The following ZNF532 variants were observed in gnomAD, a reference collection of about 807,000 sequenced individuals.
The protein encoded by ZNF532 is zinc finger protein 532.
ZNF532 carries 22 observed loss-of-function variants against 89.3 expected under a neutral mutation model. The ratio of observed to expected loss-of-function variants is 0.25; its 90% confidence interval spans 0.18 to 0.35. The LOEUF (loss-of-function observed/expected upper bound fraction) is 0.35. ZNF532 is among the 10% of genes least tolerant of loss of function. The pLI, the probability that ZNF532 is intolerant of heterozygous loss-of-function variation, is 1.00. For missense variants in ZNF532, 1,132 were observed against 1,643.4 expected (o/e 0.69, Z 5.38); for synonymous variants, 606 against 649.6 (o/e 0.93, Z 1.02).
chr18:58,863,368 C>T (rs2056119703), upstream of ZNF532: 3 of 148,860 alleles, frequency 2.0e-5, no homozygotes. Context: ...CTCGGGGCTC[C>T]GCAGCGGCCG....
At chr18:58,900,471 G>T (rs1006286345) in intron 2 of ZNF532, among the ~76,000 whole-genome samples, 2 of 152,116 alleles carry the variant, frequency 1.3e-5, no homozygotes, top group African/African-American at 2.4e-5. Context: ...AAGGGTCGGG[G>T]GCTCCCTGTT....
At chr18:58,979,238 T>C (rs1358968106) in intron 8 of ZNF532, 71 bp downstream of exon 8, 4 of 1,095,390 alleles carry the variant, frequency 3.7e-6, no homozygotes, top group East Asian at 2.4e-5. Context: ...TTTAGTGTAG[T>C]ACCATTAACT....
chr18:58,942,155 T>G (rs1413258956), intron 5 of ZNF532, among the ~76,000 whole-genome samples: 2 of 151,494 alleles, frequency 1.3e-5, no homozygotes, highest in African/African-American at 2.4e-5. Flanking sequence ...CCTGAGTAGC[T>G]GGGACTACAG....
chr18:58,964,779 A>G (rs1307057923), intron 7 of ZNF532, among the ~76,000 whole-genome samples: 1 of 151,460 alleles, frequency 6.6e-6, no homozygotes, highest in African/African-American at 2.4e-5. Flanking sequence ...ATTTTTTTGT[A>G]GGGAGTTCGG....
chr18:58,883,262 G>T (rs564747811), intron 2 of ZNF532, among the ~76,000 whole-genome samples: 1 of 152,226 alleles, frequency 6.6e-6, no homozygotes, highest in African/African-American at 2.4e-5. Flanking sequence ...AATGATGGTG[G>T]GCATTCTGTG....
chr18:58,954,366 TA>T (rs1375008300), intron 7 of ZNF532: 2 of 607,640 alleles, frequency 3.3e-6, no homozygotes, highest in Non-Finnish European at 4.1e-6. Flanking sequence ...ATAAGGAATT[TA>T]AAAAATACTT....
chr18:58,957,978 A>G (rs1395867436), intron 7 of ZNF532, among the ~76,000 whole-genome samples: 1 of 151,416 alleles, frequency 6.6e-6, no homozygotes, highest in Non-Finnish European at 1.5e-5. Flanking sequence ...AGGCACGAGA[A>G]TTGCTTAAAT....
chr18:58,889,526 G>A (rs183389917), intron 2 of ZNF532, among the ~76,000 whole-genome samples: 366 of 152,350 alleles, frequency 2.4e-3, no homozygotes, highest in Middle Eastern at 6.8e-3. Flanking sequence ...TTGGCCGGGT[G>A]TGGTGGCTCA....
At chr18:58,905,389 A>AT (rs1298845794) in intron 2 of ZNF532, among the ~76,000 whole-genome samples, 7 of 137,786 alleles carry the variant, frequency 5.1e-5, no homozygotes, top group Admixed American at 2.2e-4. Context: ...CAGGTTCTCC[A>AT]TTTTTTTTTC....
intron 7 of ZNF532, among the ~76,000 whole-genome samples, chr18:58,956,624 C>T (rs530725177): frequency 3.9e-5 from 6 of 152,294 alleles, no homozygotes; most frequent in South Asian, 2.1e-4. Flanking sequence ...GACAACCAGG[C>T]GAGCACCTTG....
At chr18:58,945,380 C>T (rs1234926095) in intron 5 of ZNF532, among the ~76,000 whole-genome samples, 1 of 152,206 alleles carries the variant, frequency 6.6e-6, no homozygotes, top group Admixed American at 6.5e-5. Flanking sequence ...TGATGCCACC[C>T]TTCATCATCG....
chr18:58,888,195 A>C (rs923260251), intron 2 of ZNF532, among the ~76,000 whole-genome samples: 2 of 152,198 alleles, frequency 1.3e-5, no homozygotes, highest in Non-Finnish European at 2.9e-5. Flanking sequence ...ACTTTTAGAT[A>C]GTTCATTAAT....
At chr18:58,928,589 C>T (rs1343160963) in intron 3 of ZNF532, among the ~76,000 whole-genome samples, 1 of 152,164 alleles carries the variant, frequency 6.6e-6, no homozygotes, top group Admixed American at 6.5e-5. Flanking sequence ...AGACTGCCTG[C>T]GTGCATCTGC....
intron 2 of ZNF532, among the ~76,000 whole-genome samples, chr18:58,904,055 T>C (rs2059768052): frequency 6.6e-6 from 1 of 152,162 alleles, no homozygotes; most frequent in South Asian, 2.1e-4. Context: ...GTTCTTCATA[T>C]AAAAATTAAA....
chr18:58,960,222 T>G (rs2065218952), intron 7 of ZNF532, among the ~76,000 whole-genome samples: 1 of 152,138 alleles, frequency 6.6e-6, no homozygotes, highest in South Asian at 2.1e-4. Context: ...TTGACTAATT[T>G]AAAAAAATTT....
chr18:58,863,136 C>T (rs2144248404), upstream of ZNF532: 2 of 152,422 alleles, frequency 1.3e-5, 1 homozygote, highest in South Asian at 4.1e-4. Context: ...TTTCAACCAT[C>T]TTTGGCGAGG....
intron 3 of ZNF532, among the ~76,000 whole-genome samples, chr18:58,930,364 C>T (rs1034688389): frequency 6.6e-6 from 1 of 152,104 alleles, no homozygotes. Flanking sequence ...CAGTGGCTCA[C>T]GCCTCTAATC....
At chr18:58,901,662 C>T (rs1045232935) in intron 2 of ZNF532, among the ~76,000 whole-genome samples, 9 of 152,168 alleles carry the variant, frequency 5.9e-5, no homozygotes, top group Admixed American at 3.3e-4. Context: ...AAGCAGACAA[C>T]AGTACCTATT....
chr18:58,974,008 C>T (rs1404545811), intron 7 of ZNF532, among the ~76,000 whole-genome samples: 10 of 152,062 alleles, frequency 6.6e-5, no homozygotes, highest in South Asian at 4.2e-4. Flanking sequence ...TTATAAAGGG[C>T]ACGTGGGAAT....
Sources: allele counts gnomAD v4.1 joint callset (sites outside exome capture counted in the v4.1 genomes callset), GRCh38; gene constraint gnomAD v4.1.1; transcripts MANE v1.5; gene names NCBI Gene and HGNC (gene_info 2026-07-23, HGNC 2026-07-21).